The following SOS2 variants were observed in gnomAD, a reference collection of about 807,000 sequenced individuals.
The protein encoded by SOS2 is son of sevenless homolog 2.
Under a neutral mutation model 148.2 loss-of-function variants are expected in SOS2, and 65 were observed. The observed-to-expected ratio is 0.44, with a 90% CI of 0.36 to 0.54. The LOEUF (loss-of-function observed/expected upper bound fraction) is 0.54. Ranked by LOEUF, SOS2 falls within the 20% of genes least tolerant of loss-of-function variation. The pLI, the probability that SOS2 is intolerant of heterozygous loss-of-function variation, is 0.00. For missense variants in SOS2, 1,341 were observed against 1,590.2 expected (o/e 0.84, Z 2.67); for synonymous variants, 539 against 537.1 (o/e 1.00, Z -0.05).
chr14:50,164,276 C>CA (rs1224623386), intron 8 of SOS2, among the ~76,000 whole-genome samples: 1 of 151,702 alleles, frequency 6.6e-6, no homozygotes, highest in African/African-American at 2.4e-5. Context: ...CTTGTCTCTA[C>CA]AAAAAATACA....
At chr14:50,177,078 G>C (rs1885545299) in intron 7 of SOS2, among the ~76,000 whole-genome samples, 1 of 152,048 alleles carries the variant, frequency 6.6e-6, no homozygotes, top group South Asian at 2.1e-4. Flanking sequence ...ATTTTTTTAA[G>C]TCTGCTACAC....
chr14:50,140,117 T>G (rs1288163203), intron 16 of SOS2, 58 bp from the exon 17 acceptor site: 9 of 862,188 alleles, frequency 1.0e-5, no homozygotes, highest in Non-Finnish European at 1.6e-5. Context: ...ATTTTATAAA[T>G]GCAAACCTTT....
At position 50,223,743 on chromosome 14, in the gene SOS2, C is replaced by T. The variant is rs34981697; in HGVS notation, c.87+7454G>A. Among the ~76,000 whole-genome samples, 623 of 151,872 alleles carry T rather than the reference C, an allele frequency of 4.1e-3. 1 individual carries two copies. Among genetic ancestry groups the T allele is most frequent in the Admixed American group, 6.7e-3 (102 of 15,242 alleles). On this transcript the variant is annotated intron_variant, in intron 1 of 22. Coordinates refer to ENST00000216373, the MANE Select transcript of SOS2 (RefSeq NM_006939.4). ...ACCTGTAGTCCCAGCTATATGGGGGCGGCAGGGGGGTGAGGTGGGAGGATC... is the reference window on the plus strand; with the variant it reads ...ACCTGTAGTCCCAGCTATATGGGGGTGGCAGGGGGGTGAGGTGGGAGGATC...
chr14:50,181,373 G>A (rs1885730138), intron 6 of SOS2, among the ~76,000 whole-genome samples: 2 of 151,858 alleles, frequency 1.3e-5, no homozygotes, highest in Non-Finnish European at 2.9e-5. Context: ...GCTTGAACCT[G>A]AGAGGCAGAG....
rs563505594 is a variant in SOS2, at chr14:50,147,736, T to A, written c.2385-2140A>T. Among the ~76,000 whole-genome samples, 7 of 152,356 alleles carry A rather than the reference T, an allele frequency of 4.6e-5. No homozygotes were observed. The East Asian group carries it at 1.3e-3, about 29-fold the overall frequency. On this transcript the variant is annotated intron_variant, in intron 14 of 22. Transcript: ENST00000216373. ...TGTTGTTCATGAATATTCATTATAT[T>A]ATTTCCTATATTTTTTGAATGCCTG...
intron 18 of SOS2, among the ~76,000 whole-genome samples, chr14:50,136,199 C>T (rs1884073695): frequency 6.6e-6 from 1 of 152,180 alleles, no homozygotes; most frequent in African/African-American, 2.4e-5. Context: ...GCTATAACAG[C>T]AGTATTCTTG....
At chr14:50,224,590 TAAG>T (rs1277751879) in intron 1 of SOS2, among the ~76,000 whole-genome samples, 1 of 152,010 alleles carries the variant, frequency 6.6e-6, no homozygotes, top group Non-Finnish European at 1.5e-5. Context: ...ACTTTGTATG[TAAG>T]AAGTAGTTTT....
chr14:50,160,117 A>G (rs775793243), intron 9 of SOS2, 31 bp from the exon 10 acceptor site: 6 of 1,531,840 alleles, frequency 3.9e-6, no homozygotes, highest in East Asian at 2.3e-5. Flanking sequence ...AGCTTATTCA[A>G]CAGCTAGCAA....
In SOS2 at chr14:50,153,149, C is replaced by T; in HGVS notation, c.2082G>A (p.Trp694Ter). 1 of 1,602,016 alleles carries T rather than the reference C, an allele frequency of 6.2e-7. No homozygotes were observed. Among genetic ancestry groups the T allele is most frequent in the Non-Finnish European group, 8.5e-7 (1 of 1,170,752 alleles). The change falls in exon 13 of 23, where the codon TGG (tryptophan) becomes TGA (stop). Residue 694 changes from tryptophan (W) to a stop codon, truncating the protein, a stop_gained. Coordinates refer to ENST00000216373, the MANE Select transcript of SOS2 (RefSeq NM_006939.4). LOFTEE classifies it high-confidence loss of function. ...QLRILNVFRH[W>*]VEHHFYDFER... is the part of the protein sequence containing the mutation. ...CAAAGTCATAAAAATGATGTTCAAC[C>T]CAATGCCGAAATACATTTAAGATCC... is the stretch of plus-strand genomic sequence containing the variant.
chr14:50,145,419 TTAAA>T lies in SOS2; in HGVS notation c.2504+54_2504+57del, dbSNP rs1884435738. On this transcript the variant is annotated intron_variant, in intron 15 of 22. Transcript: ENST00000216373. Reference sequence around the variant, plus strand: ...AATTATGAGTAGCCAGAATTTTAGCTTAAATATGACTTAATATTATGGCTATTAG... The same window carrying T: ...AATTATGAGTAGCCAGAATTTTAGCTTATGACTTAATATTATGGCTATTAG... The T allele has an allele frequency of 2.6e-6, 4 of 1,566,066 alleles. No individual in the cohort carries two copies. The South Asian group carries it at 4.8e-5, about 19-fold the overall frequency.
At chr14:50,226,397 G>A (rs867589288) in intron 1 of SOS2, among the ~76,000 whole-genome samples, 1 of 152,168 alleles carries the variant, frequency 6.6e-6, no homozygotes, top group Middle Eastern at 3.2e-3. Flanking sequence ...TGGGCCTCAG[G>A]AAAGATCCAG....
At chr14:50,126,459 T>A (rs1287655574) in intron 21 of SOS2, among the ~76,000 whole-genome samples, 1 of 152,146 alleles carries the variant, frequency 6.6e-6, no homozygotes, top group Non-Finnish European at 1.5e-5. Context: ...AAACATCAGA[T>A]TGTACCCCAT....
chr14:50,225,152 G>A (rs1042436925), intron 1 of SOS2, among the ~76,000 whole-genome samples: 8 of 152,066 alleles, frequency 5.3e-5, no homozygotes, highest in Non-Finnish European at 1.2e-4. Context: ...ATGGGGTCTC[G>A]CTATGTTGGC....
intron 9 of SOS2, among the ~76,000 whole-genome samples, chr14:50,160,870 T>C (rs1884983879): frequency 2.0e-5 from 3 of 151,982 alleles, no homozygotes; most frequent in Admixed American, 1.3e-4. Context: ...TGTGTTGGCA[T>C]GTGCCACCCA....
chr14:50,180,546 A>C (rs761233361), intron 7 of SOS2, 26 bp downstream of exon 7: 20 of 1,051,968 alleles, frequency 1.9e-5, no homozygotes, highest in Admixed American at 1.8e-4. Context: ...AAAAAAAAAA[A>C]AAAAAAACCT....
At chr14:50,200,137 T>A (rs1886441481) in intron 3 of SOS2, among the ~76,000 whole-genome samples, 1 of 152,176 alleles carries the variant, frequency 6.6e-6, no homozygotes, top group Non-Finnish European at 1.5e-5. Context: ...AGCCTCTTAA[T>A]ACATTAACCA....
intron 14 of SOS2, among the ~76,000 whole-genome samples, chr14:50,146,507 G>A (rs1363224297): frequency 2.0e-5 from 3 of 151,676 alleles, no homozygotes. Flanking sequence ...TTAGCCGGGC[G>A]TAGTAGTGCG....
chr14:50,189,068 C>T (rs8004364), intron 4 of SOS2, among the ~76,000 whole-genome samples: 1,113 of 102,062 alleles, frequency 0.011, 9 homozygotes, highest in East Asian at 0.068. Context: ...CCATCACACA[C>T]ACACACACAC....
At chr14:50,158,747 T>G in intron 10 of SOS2, 101 bp from the exon 11 acceptor site, 1 of 723,488 alleles carries the variant, frequency 1.4e-6, no homozygotes, top group Non-Finnish European at 2.4e-6. Context: ...TTCTTTTTAC[T>G]TTGGCTCCTC....
Sources: allele counts gnomAD v4.1 joint callset (sites outside exome capture counted in the v4.1 genomes callset), GRCh38; gene constraint gnomAD v4.1.1; transcripts MANE v1.5; gene names NCBI Gene and HGNC (gene_info 2026-07-23, HGNC 2026-07-21).